Variants in CHCHD6 observed in about 807,000 individuals in gnomAD.
CHCHD6 encodes coiled-coil-helix-coiled-coil-helix domain containing 6.
In CHCHD6, 28 loss-of-function variants were observed where a neutral mutation model predicts 32.3. The observed-to-expected ratio is 0.87, with a 90% CI of 0.64 to 1.19. CHCHD6 has a LOEUF of 1.19. Ranked by LOEUF, CHCHD6 falls within the 50% of genes most tolerant of loss-of-function variation. CHCHD6 has a pLI of 0.00. For missense variants in CHCHD6, 333 were observed against 307.0 expected, an observed-to-expected ratio of 1.08 and a Z score of -0.63; for synonymous variants, 122 against 117.5, an observed-to-expected ratio of 1.04 and a Z score of -0.25.
chr3:126,930,573 A>T (rs1483866170), intron 6 of CHCHD6, among the ~76,000 whole-genome samples: 2 of 152,350 alleles, frequency 1.3e-5, no homozygotes, highest in East Asian at 1.9e-4. Context: ...GTAGAAATAG[A>T]AAACATGGGC....
intron 5 of CHCHD6, among the ~76,000 whole-genome samples, chr3:126,902,982 A>G (rs61361107): frequency 0.056 from 8,547 of 152,204 alleles, 294 homozygotes; most frequent in East Asian, 0.16. Context: ...GATTAAGTCA[A>G]GAGTCGGTGG....
At chr3:126,916,402 A>T (rs78584061) in intron 6 of CHCHD6, among the ~76,000 whole-genome samples, 20 of 2,318 alleles carry the variant, frequency 8.6e-3, no homozygotes, top group Admixed American at 0.074. Flanking sequence ...ATCCATCTTA[A>T]AAAAAAAAAA....
intron 4 of CHCHD6, among the ~76,000 whole-genome samples, chr3:126,845,188 A>G (rs1416775448): frequency 6.6e-6 from 1 of 152,208 alleles, no homozygotes; most frequent in Non-Finnish European, 1.5e-5. Flanking sequence ...TATTTAAGTC[A>G]GCCATCTTGA....
intron 4 of CHCHD6, among the ~76,000 whole-genome samples, chr3:126,807,056 G>T (rs576461242): frequency 8.5e-6 from 1 of 117,442 alleles, no homozygotes; most frequent in African/African-American, 3.2e-5. Flanking sequence ...TGTGGGGTGG[G>T]GGGAGGGGGG....
intron 4 of CHCHD6, chr3:126,780,390 C>G (rs1362655190): frequency 9.7e-6 from 4 of 413,100 alleles, no homozygotes; most frequent in Admixed American, 8.4e-5. Context: ...TAAAAAGGCT[C>G]CATCACTCCA....
intron 4 of CHCHD6, among the ~76,000 whole-genome samples, chr3:126,736,449 C>G (rs938185904): frequency 3.9e-5 from 6 of 152,226 alleles, no homozygotes; most frequent in African/African-American, 1.4e-4. Context: ...GTAGCCTCAT[C>G]TAGAGGATTT....
chr3:126,737,181 G>A (rs963425700), intron 4 of CHCHD6, among the ~76,000 whole-genome samples: 15 of 151,956 alleles, frequency 9.9e-5, no homozygotes, highest in African/African-American at 3.4e-4. Context: ...TTAGCTGGGC[G>A]TGGTGGTGCA....
At chr3:126,760,798 G>A (rs1271417691) in intron 4 of CHCHD6, among the ~76,000 whole-genome samples, 1 of 152,080 alleles carries the variant, frequency 6.6e-6, no homozygotes, top group African/African-American at 2.4e-5. Flanking sequence ...GTGAACAAGA[G>A]AGTGCAAATA....
At chr3:126,871,335 A>G (rs1003032543) in intron 5 of CHCHD6, among the ~76,000 whole-genome samples, 5 of 152,074 alleles carry the variant, frequency 3.3e-5, no homozygotes, top group African/African-American at 9.7e-5. Flanking sequence ...TCCTGACCCC[A>G]TTCTTATAGG....
At chr3:126,728,433 G>T (rs1044961877) in intron 2 of CHCHD6, among the ~76,000 whole-genome samples, 6 of 152,190 alleles carry the variant, frequency 3.9e-5, no homozygotes, top group African/African-American at 1.4e-4. Context: ...CTGCTCGGGG[G>T]CCTAGAAGCA....
chr3:126,856,238 C>G (rs1176649876), intron 5 of CHCHD6, among the ~76,000 whole-genome samples: 1 of 152,228 alleles, frequency 6.6e-6, no homozygotes, highest in East Asian at 1.9e-4. Flanking sequence ...AGCCCCTGGC[C>G]CATGGGTTGG....
intron 4 of CHCHD6, among the ~76,000 whole-genome samples, chr3:126,754,127 G>A (rs1936852785): frequency 6.6e-6 from 1 of 152,204 alleles, no homozygotes. Context: ...TTGGATCACA[G>A]TCTGAACTGC....
chr3:126,760,525 A>G (rs1052371018), intron 4 of CHCHD6, among the ~76,000 whole-genome samples: 1 of 151,918 alleles, frequency 6.6e-6, no homozygotes, highest in African/African-American at 2.4e-5. Context: ...CCTGTCAACT[A>G]CTCCATTCTA....
chr3:126,806,175 G>A (rs1376949941), intron 4 of CHCHD6, among the ~76,000 whole-genome samples: 1 of 151,778 alleles, frequency 6.6e-6, no homozygotes, highest in East Asian at 1.9e-4. Context: ...CAAAAGCAAT[G>A]GCAACAAAAG....
At chr3:126,781,690 T>C (rs1270859104) in intron 4 of CHCHD6, among the ~76,000 whole-genome samples, 1 of 152,354 alleles carries the variant, frequency 6.6e-6, no homozygotes, top group Admixed American at 6.5e-5. Context: ...GCCAGTGTTC[T>C]GCGCCCATGC....
At chr3:126,798,329 GA>G (rs1466756766) in intron 4 of CHCHD6, among the ~76,000 whole-genome samples, 1 of 152,108 alleles carries the variant, frequency 6.6e-6, no homozygotes, top group Admixed American at 6.5e-5. Flanking sequence ...AATGGAGTGG[GA>G]GACACCTGGG....
chr3:126,864,962 T>TCATCTCCTCCTCCAG, intron 5 of CHCHD6, among the ~76,000 whole-genome samples: 1 of 100,452 alleles, frequency 1.0e-5, no homozygotes, highest in African/African-American at 6.7e-5. Flanking sequence ...TCCTCCTCCA[T>TCATCTCCTCCTCCAG]CACCACCTCC....
chr3:126,887,682 A>G (rs2077697275), intron 5 of CHCHD6, among the ~76,000 whole-genome samples: 1 of 151,996 alleles, frequency 6.6e-6, no homozygotes, highest in Admixed American at 6.6e-5. Flanking sequence ...CCAGATGCTG[A>G]CCAAAACATA....
At chr3:126,958,686 A>G (rs1008102022) in intron 7 of CHCHD6, among the ~76,000 whole-genome samples, 2 of 152,220 alleles carry the variant, frequency 1.3e-5, no homozygotes, top group African/African-American at 2.4e-5. Flanking sequence ...AGCTCCACAC[A>G]GGATGAGTGG....
Sources: gnomAD v4.1 joint callset for allele counts (sites outside exome capture counted in the v4.1 genomes callset) on GRCh38, gnomAD v4.1.1 for gene constraint, MANE v1.5 for transcripts, NCBI Gene and HGNC (gene_info 2026-07-23, HGNC 2026-07-21) for gene names.